Variants in PCLO observed in about 807,000 individuals in gnomAD.
PCLO encodes the protein piccolo presynaptic cytomatrix protein, also known as protein piccolo.
PCLO carries 82 observed loss-of-function variants against 427.5 expected under a neutral mutation model. The observed-to-expected ratio is 0.19, with a 90% CI of 0.16 to 0.23. The LOEUF (loss-of-function observed/expected upper bound fraction) is 0.23. Among genes scored for constraint, PCLO ranks in the 10% least tolerant of loss-of-function variants. PCLO has a pLI of 1.00. For synonymous variants in PCLO, 2,357 were observed against 2,155.4 expected (o/e 1.09, Z -2.59); for missense variants, 6,239 against 6,115.9 (o/e 1.02, Z -0.67).
At position 83,135,615 on chromosome 7, in the gene PCLO, A is replaced by C; in HGVS notation, c.1935T>G (p.Ala645=). 2 of 1,610,600 alleles carry C rather than the reference A, an allele frequency of 1.2e-6. No individual in the cohort carries two copies. Among genetic ancestry groups the C allele is most frequent in the South Asian group, 2.2e-5 (2 of 90,494 alleles). The change falls in exon 3 of 25, where the codon GCT becomes GCG. Residue 645 remains alanine, a synonymous_variant. Transcript: ENST00000333891. ...WLCLNCQMKR[A]LGGDLAPVPS... ...GAACTGGAGCCAGATCCCCGCCTAG[A>C]GCTCTTTTCATTTGACAGTTCAAAC... is the stretch of plus-strand genomic sequence containing the variant.
chr7:83,104,311 A>ATATCTTCTT (rs1286606090), intron 3 of PCLO, among the ~76,000 whole-genome samples: 4 of 152,064 alleles, frequency 2.6e-5, no homozygotes, highest in Non-Finnish European at 4.4e-5. Context: ...TTAAAGGAAA[A>ATATCTTCTT]TATCTTCTTT....
At chr7:83,020,987 A>T (rs1788328905) in intron 3 of PCLO, among the ~76,000 whole-genome samples, 1 of 152,112 alleles carries the variant, frequency 6.6e-6, no homozygotes, top group Non-Finnish European at 1.5e-5. Context: ...GAAATGTTAA[A>T]TTTTCCTTTT....
intron 2 of PCLO, among the ~76,000 whole-genome samples, chr7:83,136,766 G>C (rs1053979773): frequency 4.6e-5 from 7 of 152,032 alleles, no homozygotes; most frequent in African/African-American, 1.7e-4. Flanking sequence ...GTGAATGAGA[G>C]AGATTTGTAT....
rs185148841 is a variant in PCLO at position 83,091,296 on chromosome 7, C to T, written c.3300+42954G>A. 2.8e-4 allele frequency among the ~76,000 whole-genome samples: 43 copies of T among 152,224 alleles called. No homozygotes were observed. The East Asian group carries it at 5.6e-3, about 20-fold the overall frequency. On this transcript the variant is annotated intron_variant, in intron 3 of 24. Coordinates refer to ENST00000333891, the MANE Select transcript of PCLO (RefSeq NM_033026.6). ...AACTGAATGATAGAATGGTAAACAACACTCATTTCGAAGTATATCAAAGGA... is the reference window on the plus strand; with the variant it reads ...AACTGAATGATAGAATGGTAAACAATACTCATTTCGAAGTATATCAAAGGA...
intron 9 of PCLO, among the ~76,000 whole-genome samples, chr7:82,885,347 A>G (rs1793603432): frequency 6.6e-6 from 1 of 152,144 alleles, no homozygotes; most frequent in South Asian, 2.1e-4. Flanking sequence ...GAATCCTACC[A>G]ACAACCACAT....
At chr7:82,858,621 A>G (rs777172043) in intron 10 of PCLO, among the ~76,000 whole-genome samples, 3 of 152,198 alleles carry the variant, frequency 2.0e-5, no homozygotes, top group Non-Finnish European at 4.4e-5. Context: ...ATATAAAATC[A>G]ACAACAAAAA....
intron 21 of PCLO, 112 bp downstream of exon 21, chr7:82,805,576 G>C (rs1404839904): frequency 7.2e-6 from 7 of 969,426 alleles, no homozygotes; most frequent in Middle Eastern, 2.4e-4. Flanking sequence ...AAGTGTCTCA[G>C]GGACAATGAC....
Position 82,916,673 on chromosome 7 carries a change from A to G in PCLO, c.11313T>C (p.Asp3771=), listed in dbSNP as rs1300228598. The G allele has an allele frequency of 6.2e-7, 1 of 1,613,506 alleles. No individual in the cohort carries two copies. The highest frequency in any genetic ancestry group is 1.3e-5 in the African/African-American group (1 of 74,898). The change falls in exon 7 of 25, where the codon GAT becomes GAC. Residue 3771 remains aspartate (D), a synonymous_variant. Coordinates refer to ENST00000333891, the MANE Select transcript of PCLO (RefSeq NM_033026.6). ...KILQDIDREL[D]LVERESAKLR... is the part of the protein sequence containing the mutation. ...GTTTTGCAGACTCCCTTTCCACAAG[A>G]TCAAGCTCTCTGTCTATGTCCTGGA... is the stretch of plus-strand genomic sequence containing the variant.
chr7:82,850,697 G>A (rs984928726), intron 10 of PCLO, among the ~76,000 whole-genome samples: 5 of 152,026 alleles, frequency 3.3e-5, no homozygotes, highest in African/African-American at 4.8e-5. Context: ...AGCTCCTGAC[G>A]TCTGTTCATT....
At chr7:83,055,708 CAT>C (rs779247345) in intron 3 of PCLO, among the ~76,000 whole-genome samples, 1 of 152,118 alleles carries the variant, frequency 6.6e-6, no homozygotes, top group African/African-American at 2.4e-5. Context: ...ATTTAAAAAA[CAT>C]GTGGGAGTCA....
chr7:83,013,778 G>A (rs1306966312), intron 3 of PCLO, among the ~76,000 whole-genome samples: 1 of 152,128 alleles, frequency 6.6e-6, no homozygotes, highest in Non-Finnish European at 1.5e-5. Flanking sequence ...ACGTTTGTGT[G>A]AATAAACAAA....
chr7:83,150,788 T>C (rs1161543334), intron 2 of PCLO, among the ~76,000 whole-genome samples: 3 of 152,140 alleles, frequency 2.0e-5, no homozygotes, highest in African/African-American at 7.2e-5. Context: ...CAAGCAAAGA[T>C]TTACATGCAT....
In PCLO at chr7:82,999,850, TATA is replaced by T. The variant is rs1271075683; in HGVS notation, c.3301-33366_3301-33364del. Reference sequence around the variant, plus strand: ...ATAATATTAAATATAAAATATAATATATAATATTATATAAAATATAATATATAA... The same window carrying T: ...ATAATATTAAATATAAAATATAATATATATTATATAAAATATAATATATAA... On this transcript the variant is annotated intron_variant, in intron 3 of 24. Coordinates refer to ENST00000333891, the MANE Select transcript of PCLO (RefSeq NM_033026.6). Among the ~76,000 whole-genome samples the T allele has an allele frequency of 2.9e-4, 17 of 58,294 alleles. 7 individuals carry two copies. The highest frequency in any genetic ancestry group is 3.3e-4 in the Non-Finnish European group (13 of 39,040). 38.2% of individuals were successfully genotyped at this position (58,294 alleles called of 152,430 possible). A position where few individuals can be genotyped will look rare whatever the true frequency, so the allele number is the denominator to read the frequency against.
At chr7:82,910,333 A>C (rs1265930495) in intron 7 of PCLO, among the ~76,000 whole-genome samples, 1 of 152,054 alleles carries the variant, frequency 6.6e-6, no homozygotes, top group Admixed American at 6.6e-5. Flanking sequence ...TGGCAAACCC[A>C]CAGCATATGT....
chr7:82,999,913 A>C (rs1274380477), intron 3 of PCLO, among the ~76,000 whole-genome samples: 1 of 134,764 alleles, frequency 7.4e-6, no homozygotes, highest in Non-Finnish European at 1.5e-5. Flanking sequence ...AAATACAAAG[A>C]AAAGAAGAGA....
intron 3 of PCLO, among the ~76,000 whole-genome samples, chr7:83,078,554 C>A (rs1234875779): frequency 2.8e-5 from 3 of 105,272 alleles, no homozygotes; most frequent in African/African-American, 4.2e-5. Flanking sequence ...ATTATTGAGA[C>A]GGAGTTTCAC....
chr7:82,840,648 C>T (rs1056050673), intron 14 of PCLO, among the ~76,000 whole-genome samples: 1 of 152,042 alleles, frequency 6.6e-6, no homozygotes, highest in Non-Finnish European at 1.5e-5. Context: ...ATCTCCCTTT[C>T]TTTATGCTTA....
At chr7:82,825,161 G>A (rs1791903985) in intron 18 of PCLO, among the ~76,000 whole-genome samples, 1 of 152,008 alleles carries the variant, frequency 6.6e-6, no homozygotes, top group African/African-American at 2.4e-5. Context: ...TTTTGTCATG[G>A]TTTAATTGGC....
At chr7:82,938,852 G>A (rs981899590) in intron 6 of PCLO, among the ~76,000 whole-genome samples, 6 of 152,070 alleles carry the variant, frequency 3.9e-5, no homozygotes, top group African/African-American at 1.2e-4. Context: ...ATGAGATAGC[G>A]ATATATTCCT....
Sources: gnomAD v4.1 joint callset for allele counts (sites outside exome capture counted in the v4.1 genomes callset) on GRCh38, gnomAD v4.1.1 for gene constraint, MANE v1.5 for transcripts, NCBI Gene and HGNC (gene_info 2026-07-23, HGNC 2026-07-21) for gene names.